IL2RA: variants seen among roughly 807,000 people sequenced by gnomAD.
The protein encoded by IL2RA is interleukin-2 receptor subunit alpha.
Under a neutral mutation model 37.8 loss-of-function variants are expected in IL2RA, and 24 were observed. The ratio of observed to expected loss-of-function variants is 0.63; its 90% CI spans 0.46 to 0.89. The LOEUF (loss-of-function observed/expected upper bound fraction) is 0.89. Among genes scored for constraint, IL2RA ranks in the 40% least tolerant of loss-of-function variants. IL2RA has a pLI of 0.00. For missense variants in IL2RA, 319 were observed against 348.6 expected, an observed-to-expected ratio of 0.92 and a Z score of 0.68; for synonymous variants, 125 against 114.6, an observed-to-expected ratio of 1.09 and a Z score of -0.58.
At chr10:6,043,427 T>G (rs1180910009) in intron 1 of IL2RA, among the ~76,000 whole-genome samples, 1 of 151,964 alleles carries the variant, frequency 6.6e-6, no homozygotes, top group Non-Finnish European at 1.5e-5. Flanking sequence ...TATTTATTTG[T>G]TTTTGTTTGT....
In IL2RA at chr10:6,029,395, C is replaced by T. The variant is rs1422707592; in HGVS notation, c.65-3370G>A. Among the ~76,000 whole-genome samples, 53 of 152,016 alleles carry T rather than the reference C, an allele frequency of 3.5e-4. No homozygotes were observed. The highest frequency in any genetic ancestry group is 8.8e-5 in the Non-Finnish European group (6 of 68,006). On this transcript the variant is annotated intron_variant, in intron 1 of 7. Transcript: ENST00000379959. The surrounding 1 kb of genome is among the most constrained non-coding windows in gnomAD (Gnocchi z 4.6). ...TGCCAGGCTGGTCTCGAACTCCTGA[C>T]CTCAGGTGATCCACCTGCCTCGGCC...
rs1203545776 is a variant in IL2RA, at chr10:6,057,018, C to G, written c.64+5070G>C. On this transcript the variant is annotated intron_variant, in intron 1 of 7. Transcript: ENST00000379959. The surrounding 1 kb of genome is among the most constrained non-coding windows in gnomAD (Gnocchi z 4.8). ...AAATTTACCAGTCCCTCAGGGCTCC[C>G]TTTCCATGTCACCCTCATGAAGCTT... 6.6e-6 allele frequency among the ~76,000 whole-genome samples: 1 copy of G among 152,208 alleles called. No homozygotes were observed. The highest frequency in any genetic ancestry group is 1.5e-5 in the Non-Finnish European group (1 of 68,032).
rs1839353838 is a variant in IL2RA, at chr10:6,019,873, T to C, written c.652A>G (p.Thr218Ala). ...CAGCGTTTGTCTTCTCCCGCACCTGTTGTTGTGACGAGGCAGGAAGTCTCA... is the reference window on the plus strand; with the variant it reads ...CAGCGTTTGTCTTCTCCCGCACCTGCTGTTGTGACGAGGCAGGAAGTCTCA... ...ESETSCLVTT[T>A]DFQIQTEMAA... Residue 218 changes from threonine to alanine, a missense_variant, in exon 5 of 8, where the codon ACA becomes GCA. Coordinates refer to ENST00000379959, the MANE Select transcript of IL2RA (RefSeq NM_000417.3). The C allele has an allele frequency of 1.9e-6, 3 of 1,614,032 alleles. No individual in the cohort carries two copies. Among genetic ancestry groups the C allele is most frequent in the Non-Finnish European group, 2.5e-6 (3 of 1,179,862 alleles).
At position 6,020,782 on chromosome 10, in the gene IL2RA, C is replaced by G. The variant is rs1027268597; in HGVS notation, c.583+696G>C. 6.6e-6 allele frequency among the ~76,000 whole-genome samples: 1 copy of G among 152,178 alleles called. No individual in the cohort carries two copies. The highest frequency in any genetic ancestry group is 6.5e-5 in the Admixed American group (1 of 15,282). On this transcript the variant is annotated intron_variant, in intron 4 of 7. Coordinates refer to ENST00000379959, the MANE Select transcript of IL2RA (RefSeq NM_000417.3). The surrounding 1 kb of genome is among the most constrained non-coding windows in gnomAD (Gnocchi z 5.6). ...TCCTGACCTAAAGTGATCTGCCCGC[C>G]TTGGCCTCCCAGAGTGCTGGGATTA...
At chr10:6,050,656 G>T (rs759189167) in intron 1 of IL2RA, among the ~76,000 whole-genome samples, 26 of 152,094 alleles carry the variant, frequency 1.7e-4, no homozygotes, top group Non-Finnish European at 3.1e-4. Context: ...AAAAAAGGTG[G>T]TTGGGGTGGG....
At chr10:6,038,937 G>C (rs1839729988) in intron 1 of IL2RA, among the ~76,000 whole-genome samples, 1 of 151,512 alleles carries the variant, frequency 6.6e-6, no homozygotes, top group Non-Finnish European at 1.5e-5. Flanking sequence ...AGAAAGAGAA[G>C]GTAAAAAATA....
chr10:6,049,032 T>C (rs1159160499), intron 1 of IL2RA, among the ~76,000 whole-genome samples: 1 of 152,224 alleles, frequency 6.6e-6, no homozygotes, highest in Admixed American at 6.5e-5. Context: ...CAATAGGATG[T>C]ATGTAGATAA....
Position 6,020,705 on chromosome 10 carries a change from G to T in IL2RA, c.584-764C>A, listed in dbSNP as rs931881279. Among the ~76,000 whole-genome samples the T allele has an allele frequency of 6.6e-6, 1 of 152,088 alleles. No individual in the cohort carries two copies. The highest frequency in any genetic ancestry group is 1.5e-5 in the Non-Finnish European group (1 of 68,016). On this transcript the variant is annotated intron_variant, in intron 4 of 7. Transcript: ENST00000379959. The surrounding 1 kb of genome is among the most constrained non-coding windows in gnomAD (Gnocchi z 5.6). ...CCACCACCACGCCCAGATAATTTTT[G>T]TATTTTTAGTAGAGACGGGGTTTCA... is the stretch of plus-strand genomic sequence containing the variant.
chr10:6,040,263 T>G (rs181950793), intron 1 of IL2RA, among the ~76,000 whole-genome samples: 17 of 152,326 alleles, frequency 1.1e-4, no homozygotes. Context: ...CGTTCATTGC[T>G]TAAAGCTTGA....
In IL2RA at chr10:6,036,298, C is replaced by T. The variant is rs1839681676; in HGVS notation, c.65-10273G>A. ...CAAGCCAGCTTTTCTGACTCCCAGGCACCTGCTCTCTCCTTTCGAGTGTTC... is the reference window on the plus strand; with the variant it reads ...CAAGCCAGCTTTTCTGACTCCCAGGTACCTGCTCTCTCCTTTCGAGTGTTC... On this transcript the variant is annotated intron_variant, in intron 1 of 7. Transcript: ENST00000379959. This position sits in a 1 kb window ranked among gnomAD's most constrained non-coding sequence, Gnocchi z 6.1. The T allele has an allele frequency of 6.6e-6, 1 of 152,248 alleles. No individual in the cohort carries two copies. The allele number at this position is 152,248 out of a possible 1,614,324, so 9.4% of individuals were successfully genotyped here. A position where few individuals can be genotyped will look rare whatever the true frequency, so the allele number is the denominator to read the frequency against.
chr10:6,023,828 T>G (rs764107759), intron 3 of IL2RA, among the ~76,000 whole-genome samples: 15 of 152,186 alleles, frequency 9.9e-5, no homozygotes, highest in Admixed American at 4.6e-4. Context: ...AGCAAGTAAT[T>G]TTTTTGCGGT....
chr10:6,025,689 A>T lies in IL2RA; in HGVS notation c.256+145T>A. On this transcript the variant is annotated intron_variant, in intron 2 of 7. Transcript: ENST00000379959. The surrounding 1 kb of genome is among the most constrained non-coding windows in gnomAD (Gnocchi z 4.4). ...AAAAAAAAATTGTGTTTAGTGAATG[A>T]CTTTTCAGGAACCACTAAAATTAGT... is the stretch of plus-strand genomic sequence containing the variant. 1.3e-6 allele frequency: 1 copy of T among 789,074 alleles called. No homozygotes were observed. Among genetic ancestry groups the T allele is most frequent in the Non-Finnish European group, 2.1e-6 (1 of 472,794 alleles). 48.9% of individuals were successfully genotyped at this position (789,074 alleles called of 1,614,324 possible).
intron 1 of IL2RA, among the ~76,000 whole-genome samples, chr10:6,031,758 T>A (rs1202719810): frequency 6.6e-6 from 1 of 151,980 alleles, no homozygotes; most frequent in Admixed American, 6.6e-5. Context: ...AACATTCATT[T>A]AAAAAATCTA....
intron 7 of IL2RA, 108 bp from the exon 8 acceptor site, chr10:6,013,004 A>G (rs1166847850): frequency 9.5e-7 from 1 of 1,057,680 alleles, no homozygotes; most frequent in African/African-American, 1.6e-5. Flanking sequence ...TAATTTTTGT[A>G]TTTTTAGTAG....
chr10:6,021,426 C>T lies in IL2RA; in HGVS notation c.583+52G>A. ...GAGTGGTCAGGGATTCCACTCTGGT[C>T]AGCCTGATGGAGCAAAGCAACATTG... On this transcript the variant is annotated intron_variant, in intron 4 of 7. Transcript: ENST00000379959. This position sits in a 1 kb window ranked among gnomAD's most constrained non-coding sequence, Gnocchi z 4.9. 1 of 1,477,100 alleles carries T rather than the reference C, an allele frequency of 6.8e-7. No individual in the cohort carries two copies. The highest frequency in any genetic ancestry group is 9.5e-7 in the Non-Finnish European group (1 of 1,056,846). The allele number at this position is 1,477,100 out of a possible 1,614,324, so 91.5% of individuals were successfully genotyped here.
chr10:6,045,063 A>C (rs706780), intron 1 of IL2RA, among the ~76,000 whole-genome samples: 140,614 of 152,250 alleles, frequency 0.92, 65,097 homozygotes, highest in Middle Eastern at 0.99. Flanking sequence ...TCCCTCGGGA[A>C]AGGAGAAGAA....
intron 1 of IL2RA, among the ~76,000 whole-genome samples, chr10:6,042,147 G>GAAAAAAAAAAAAAAAAAAAAA (rs1564549478): frequency 8.3e-4 from 1 of 1,210 alleles, no homozygotes; most frequent in Non-Finnish European, 2.2e-3. Context: ...AATGTATTAA[G>GAAAAAAAAAAAAAAAAAAAAA]CAAAAAAAAA....
Position 6,012,896 on chromosome 10 carries a change from C to T in IL2RA, c.795G>A (p.Gln265=), listed in dbSNP as rs767207934. 3 of 1,614,104 alleles carry T rather than the reference C, an allele frequency of 1.9e-6. No individual in the cohort carries two copies. The highest frequency in any genetic ancestry group is 2.2e-5 in the South Asian group (2 of 91,078). The change falls in exon 8 of 8, where the codon CAG becomes CAA. Residue 265 remains glutamine (Q), a splice_region_variant and synonymous_variant. Transcript: ENST00000379959. The surrounding 1 kb of genome is among the most constrained non-coding windows in gnomAD (Gnocchi z 4.8). ...LLSGLTWQRR[Q]RKSRRTI ...TCTAGATTGTTCTTCTACTCTTCCT[C>T]CTGTAGTGGTGTAACAAAGTCACGG...
intron 1 of IL2RA, among the ~76,000 whole-genome samples, chr10:6,027,407 A>G (rs562934591): frequency 3.4e-4 from 52 of 152,288 alleles, no homozygotes; most frequent in Non-Finnish European, 6.5e-4. Context: ...AGCAATTTAA[A>G]TGGGCTCCAT....
Sources: gnomAD v4.1 joint callset for allele counts (sites outside exome capture counted in the v4.1 genomes callset) on GRCh38, gnomAD v4.1.1 for gene constraint, Gnocchi (gnomAD v3.1) non-coding constraint, MANE v1.5 for transcripts, NCBI Gene and HGNC (gene_info 2026-07-23, HGNC 2026-07-21) for gene names.